ZNF407: variants seen among roughly 807,000 people sequenced by gnomAD.
ZNF407 encodes zinc finger protein 407.
In ZNF407, 17 loss-of-function variants were observed where a neutral mutation model predicts 131.2. The ratio of observed to expected loss-of-function variants is 0.13; its 90% CI spans 0.09 to 0.19. ZNF407 has a LOEUF of 0.19. Ranked by LOEUF, ZNF407 falls within the 10% of genes least tolerant of loss-of-function variation. The pLI, the probability that ZNF407 is intolerant of heterozygous loss-of-function variation, is 1.00. For synonymous variants in ZNF407, 1,156 were observed against 1,062.0 expected (o/e 1.09, Z -1.72); for missense variants, 2,681 against 2,830.6 (o/e 0.95, Z 1.20).
intron 4 of ZNF407, among the ~76,000 whole-genome samples, chr18:74,833,594 G>A (rs565716536): frequency 3.7e-4 from 57 of 152,336 alleles, no homozygotes; most frequent in South Asian, 6.2e-4. Context: ...TGGACACACA[G>A]CGCGAGGGGG....
intron 8 of ZNF407, among the ~76,000 whole-genome samples, chr18:74,927,983 A>C (rs1367513372): frequency 6.6e-6 from 1 of 152,132 alleles, no homozygotes; most frequent in Non-Finnish European, 1.5e-5. Flanking sequence ...TATGTTACCT[A>C]TGTTGAAGAA....
intron 8 of ZNF407, among the ~76,000 whole-genome samples, chr18:74,953,171 T>G (rs1043247285): frequency 6.6e-6 from 1 of 152,142 alleles, no homozygotes; most frequent in Non-Finnish European, 1.5e-5. Flanking sequence ...GAGAGAGTGA[T>G]CACTTGAATG....
intron 3 of ZNF407, among the ~76,000 whole-genome samples, chr18:74,661,239 TC>T (rs1985700659): frequency 6.6e-6 from 1 of 152,082 alleles, no homozygotes; most frequent in South Asian, 2.1e-4. Flanking sequence ...CAATAGTCAG[TC>T]TCTTTGCACA....
intron 3 of ZNF407, among the ~76,000 whole-genome samples, chr18:74,671,058 C>T (rs534725783): frequency 2.6e-5 from 4 of 152,324 alleles, no homozygotes; most frequent in African/African-American, 9.6e-5. Context: ...CTCTTTTTAT[C>T]TTGAACAACT....
intron 8 of ZNF407, among the ~76,000 whole-genome samples, chr18:74,957,018 A>G (rs1161258929): frequency 6.6e-6 from 1 of 152,222 alleles, no homozygotes; most frequent in South Asian, 2.1e-4. Flanking sequence ...AAGCCAAGTT[A>G]TAATCAGAAT....
intron 4 of ZNF407, among the ~76,000 whole-genome samples, chr18:74,786,272 A>G (rs1380076416): frequency 6.6e-6 from 1 of 152,132 alleles, no homozygotes; most frequent in Non-Finnish European, 1.5e-5. Flanking sequence ...TATCATTGAA[A>G]TGGGTGATTT....
chr18:74,721,615 A>G (rs1343346050), intron 3 of ZNF407, among the ~76,000 whole-genome samples: 3 of 152,150 alleles, frequency 2.0e-5, no homozygotes, highest in Non-Finnish European at 4.4e-5. Context: ...TTTTCAAAAT[A>G]TTTGTCTCTA....
chr18:74,835,511 C>T (rs1970542755), intron 4 of ZNF407, among the ~76,000 whole-genome samples: 1 of 152,006 alleles, frequency 6.6e-6, no homozygotes, highest in African/African-American at 2.4e-5. Flanking sequence ...GGAGATTTTG[C>T]TACATAAGAA....
At chr18:74,655,221 A>C (rs576631978) in intron 3 of ZNF407, among the ~76,000 whole-genome samples, 12 of 152,038 alleles carry the variant, frequency 7.9e-5, no homozygotes, top group African/African-American at 2.9e-4. Context: ...TTAAGTTGAA[A>C]CACTGTGAGT....
At chr18:74,806,300 G>T (rs1970108511) in intron 4 of ZNF407, among the ~76,000 whole-genome samples, 1 of 152,238 alleles carries the variant, frequency 6.6e-6, no homozygotes, top group Non-Finnish European at 1.5e-5. Context: ...GTCTGTGGCA[G>T]TTGTAAACTC....
At chr18:74,729,255 A>T (rs1009320978) in intron 3 of ZNF407, among the ~76,000 whole-genome samples, 6 of 152,212 alleles carry the variant, frequency 3.9e-5, no homozygotes, top group African/African-American at 1.4e-4. Context: ...TGTTTATTGA[A>T]CATCTACTTT....
At chr18:74,888,438 T>G (rs1272747774) in intron 6 of ZNF407, among the ~76,000 whole-genome samples, 1 of 152,162 alleles carries the variant, frequency 6.6e-6, no homozygotes, top group African/African-American at 2.4e-5. Flanking sequence ...AATGTAACAT[T>G]ATTAACAATA....
At chr18:75,033,289 A>G (rs1050796516) in intron 8 of ZNF407, among the ~76,000 whole-genome samples, 1 of 151,820 alleles carries the variant, frequency 6.6e-6, no homozygotes, top group Non-Finnish European at 1.5e-5. Flanking sequence ...CGTGCTCAGA[A>G]TGGGGGGAAG....
chr18:74,725,152 T>C (rs1968127755), intron 3 of ZNF407, among the ~76,000 whole-genome samples: 1 of 152,228 alleles, frequency 6.6e-6, no homozygotes, highest in Non-Finnish European at 1.5e-5. Context: ...TTTTTTTCTT[T>C]TGAGACAGAG....
At chr18:74,983,970 T>C (rs1972623555) in intron 8 of ZNF407, among the ~76,000 whole-genome samples, 1 of 152,242 alleles carries the variant, frequency 6.6e-6, no homozygotes, top group African/African-American at 2.4e-5. Flanking sequence ...TAGATGTTTT[T>C]AATAATTATA....
At chr18:74,673,675 A>G (rs1212254920) in intron 3 of ZNF407, among the ~76,000 whole-genome samples, 1 of 152,216 alleles carries the variant, frequency 6.6e-6, no homozygotes, top group East Asian at 1.9e-4. Flanking sequence ...TTGGGATGAT[A>G]GCTTGTCAGT....
chr18:74,811,480 T>C (rs1360553635), intron 4 of ZNF407, among the ~76,000 whole-genome samples: 1 of 152,174 alleles, frequency 6.6e-6, no homozygotes, highest in Non-Finnish European at 1.5e-5. Context: ...TCCTCAGGTA[T>C]CTAGTACTAG....
chr18:74,647,998 G>A (rs902927674), intron 3 of ZNF407, among the ~76,000 whole-genome samples: 2 of 152,184 alleles, frequency 1.3e-5, no homozygotes, highest in Admixed American at 1.3e-4. Flanking sequence ...ATTTGGAAGA[G>A]CACTGCAGGC....
At chr18:74,891,545 A>G (rs1481904069) in intron 7 of ZNF407, among the ~76,000 whole-genome samples, 1 of 152,232 alleles carries the variant, frequency 6.6e-6, no homozygotes, top group Admixed American at 6.5e-5. Flanking sequence ...TTACAGATAT[A>G]TTTCATTCAT....
Sources: allele counts gnomAD v4.1 joint callset (sites outside exome capture counted in the v4.1 genomes callset), GRCh38; gene constraint gnomAD v4.1.1; transcripts MANE v1.5; gene names NCBI Gene and HGNC (gene_info 2026-07-23, HGNC 2026-07-21).